The following CHD8 variants were observed in gnomAD, a reference collection of about 807,000 sequenced individuals.
CHD8 encodes the protein ATP-dependent chromatin remodeler CHD8.
CHD8 carries 31 observed loss-of-function variants against 279.2 expected under a neutral mutation model. That is an observed-to-expected ratio of 0.11 (90% CI 0.08 to 0.15). CHD8 has a LOEUF of 0.15. CHD8 is among the 10% of genes least tolerant of loss of function. The pLI is 1.00. For missense variants in CHD8, 2,146 were observed against 3,230.5 expected, an observed-to-expected ratio of 0.66 and a Z score of 8.14; for synonymous variants, 1,081 against 1,139.6, an observed-to-expected ratio of 0.95 and a Z score of 1.04.
chr14:21,424,006 G>A (rs7148741), intron 5 of CHD8, among the ~76,000 whole-genome samples: 106,835 of 152,004 alleles, frequency 0.7, 38,630 homozygotes, highest in East Asian at 0.88. Context: ...GAATTTTTTT[G>A]TTGTAATACC....
At chr14:21,415,140 A>C (rs1213153003) in intron 7 of CHD8, 147 bp from the exon 8 acceptor site, 1 of 618,806 alleles carries the variant, frequency 1.6e-6, no homozygotes, top group African/African-American at 1.9e-5. Context: ...CTGGTACTTC[A>C]ATAATAGAGG....
chr14:21,405,718 T>C lies in CHD8; in HGVS notation c.3051+3A>G. Reference sequence around the variant, plus strand: ...TTAGTACCTCATCAGATAGATTTCCTACCTGTTCCTCTGTCTTGAGATCCC... The same window carrying C: ...TTAGTACCTCATCAGATAGATTTCCCACCTGTTCCTCTGTCTTGAGATCCC... On this transcript the variant is annotated splice_donor_region_variant and intron_variant, in intron 15 of 37. Transcript: ENST00000646647. This position sits in a 1 kb window ranked among gnomAD's most constrained non-coding sequence, Gnocchi z 4.2. 2 of 1,613,590 alleles carry C rather than the reference T, an allele frequency of 1.2e-6. No individual in the cohort carries two copies. The highest frequency in any genetic ancestry group is 2.2e-5 in the South Asian group (2 of 91,012).
chr14:21,410,442 A>C (rs777041546), intron 10 of CHD8, among the ~76,000 whole-genome samples: 34 of 152,202 alleles, frequency 2.2e-4, no homozygotes, highest in Non-Finnish European at 4.1e-4. Flanking sequence ...TTGCAGATGC[A>C]CCTCAAGAGC....
At chr14:21,423,727 C>G (rs1303043078) in intron 5 of CHD8, among the ~76,000 whole-genome samples, 1 of 152,160 alleles carries the variant, frequency 6.6e-6, no homozygotes, top group Non-Finnish European at 1.5e-5. Flanking sequence ...GGGACACATT[C>G]ATCCACAGCA....
intron 28 of CHD8, chr14:21,395,585 T>G: frequency 1.7e-6 from 1 of 589,052 alleles, no homozygotes; most frequent in Non-Finnish European, 3.0e-6. Flanking sequence ...AGTCAGGAAT[T>G]TATTAGTCAA....
chr14:21,392,329 G>T, intron 34 of CHD8, 178 bp downstream of exon 34: 1 of 751,830 alleles, frequency 1.3e-6, no homozygotes, highest in South Asian at 1.6e-5. Context: ...AATCAATAGG[G>T]TTCAATAAGG....
chr14:21,392,956 C>CTAG, intron 33 of CHD8, 147 bp from the exon 34 acceptor site: 1 of 1,108,000 alleles, frequency 9.0e-7, no homozygotes. Flanking sequence ...ATTCCTAAGT[C>CTAG]AACTGGGAAG....
Position 21,392,691 on chromosome 14 carries a change from T to G in CHD8, c.6587A>C (p.His2196Pro), listed in dbSNP as rs773816387. ...VTGGILGPGN[H>P]LLDSPSLTPG... ...AGTCAATGAGGGACTGTCTAGCAAG[T>G]GGTTGCCTGGCCCCAAAATTCCTCC... Residue 2196 changes from histidine (H) to proline (P), a missense_variant, in exon 34 of 38, where the codon CAC becomes CCC. Around this residue, in one of 26 missense-constraint regions of CHD8, gnomAD observed 513 missense variants for 637.6 expected, o/e 0.80. Transcript: ENST00000646647. 6.2e-7 allele frequency: 1 copy of G among 1,614,018 alleles called. No homozygotes were observed. Among genetic ancestry groups the G allele is most frequent in the South Asian group, 1.1e-5 (1 of 91,084 alleles).
chr14:21,421,211 T>C (rs1889028423), intron 5 of CHD8, among the ~76,000 whole-genome samples: 1 of 152,154 alleles, frequency 6.6e-6, no homozygotes, highest in South Asian at 2.1e-4. Flanking sequence ...TTCTTATCCA[T>C]TTCTTGTATA....
Position 21,397,894 on chromosome 14 carries a change from A to G in CHD8, c.4980T>C (p.Ala1660=). The G allele has an allele frequency of 6.2e-7, 1 of 1,612,458 alleles. No individual in the cohort carries two copies. The highest frequency in any genetic ancestry group is 8.5e-7 in the Non-Finnish European group (1 of 1,179,148). Residue 1660 remains alanine, a synonymous_variant, in exon 27 of 38, where the codon GCT becomes GCC. Coordinates refer to ENST00000646647, the MANE Select transcript of CHD8 (RefSeq NM_001170629.2). ...ADPALCFLEK[A]GRPDDKAIAA... is the part of the protein sequence containing the mutation. ...CAATTGCTTTGTCATCTGGTCGGCC[A>G]GCCTTTTCTAGGAAACATAAGGCTG...
chr14:21,415,979 A>G (rs956588295), intron 5 of CHD8, 72 bp from the exon 6 acceptor site: 1 of 1,270,858 alleles, frequency 7.9e-7, no homozygotes, highest in African/African-American at 1.5e-5. Flanking sequence ...TTATTTGCTC[A>G]TGGTCATATA....
At chr14:21,434,290 G>A (rs369058007) in intron 1 of CHD8, among the ~76,000 whole-genome samples, 6 of 152,058 alleles carry the variant, frequency 3.9e-5, no homozygotes, top group African/African-American at 7.2e-5. Flanking sequence ...GAGGTGAGCC[G>A]TCGCCTCAGC....
intron 37 of CHD8, among the ~76,000 whole-genome samples, chr14:21,387,548 C>T (rs1327266137): frequency 2.0e-5 from 3 of 151,386 alleles, no homozygotes; most frequent in Non-Finnish European, 4.4e-5. Flanking sequence ...GCAGAAAAAT[C>T]GCTTGAACCC....
chr14:21,434,003 C>T (rs1246686401), intron 1 of CHD8, among the ~76,000 whole-genome samples: 2 of 151,128 alleles, frequency 1.3e-5, no homozygotes, highest in African/African-American at 4.9e-5. Context: ...AAAGTATCTA[C>T]AGCTAGGAGT....
Position 21,393,610 on chromosome 14 carries a change from T to A in CHD8, c.6185A>T (p.Lys2062Ile). Residue 2062 changes from lysine to isoleucine, a missense_variant, in exon 32 of 38, where the codon AAA (lysine) becomes ATA (isoleucine). Lys to Ile is a moderately radical substitution (Grantham distance 102). Transcript: ENST00000646647. ...PLVSRSVPPV[K>I]LEDEDDSDSE... is the part of the protein sequence containing the mutation. ...GTCCGAATCATCCTCATCCTCCAGTTTGACTGGTGGAACACTCCGGGAAAC... is the reference window on the plus strand; with the variant it reads ...GTCCGAATCATCCTCATCCTCCAGTATGACTGGTGGAACACTCCGGGAAAC... 6.2e-7 allele frequency: 1 copy of A among 1,613,926 alleles called. No individual in the cohort carries two copies. The highest frequency in any genetic ancestry group is 1.3e-5 in the African/African-American group (1 of 75,032).
At chr14:21,447,143 G>A (rs187703672) in intron 1 of CHD8, among the ~76,000 whole-genome samples, 1 of 152,318 alleles carries the variant, frequency 6.6e-6, no homozygotes, top group Non-Finnish European at 1.5e-5. Context: ...ACATTCAGAA[G>A]TATCATAAAA....
intron 1 of CHD8, among the ~76,000 whole-genome samples, chr14:21,446,991 C>T (rs1362673794): frequency 6.6e-6 from 1 of 152,190 alleles, no homozygotes; most frequent in Non-Finnish European, 1.5e-5. Flanking sequence ...TGGTAATGGG[C>T]ATTCAATGTA....
intron 26 of CHD8, chr14:21,399,307 T>G: frequency 2.7e-6 from 1 of 365,598 alleles, no homozygotes; most frequent in South Asian, 2.9e-5. Context: ...CTGCCCTGAT[T>G]CATGGGACCC....
chr14:21,391,149 A>G, intron 36 of CHD8, 86 bp from the exon 37 acceptor site: 1 of 897,074 alleles, frequency 1.1e-6, no homozygotes, highest in South Asian at 1.5e-5. Context: ...TTGTTTGATA[A>G]TAAACACTTA....
Sources: gnomAD v4.1 joint callset for allele counts (sites outside exome capture counted in the v4.1 genomes callset) on GRCh38, gnomAD v4.1.1 for gene constraint, gnomAD v4.1.1 regional missense constraint, Gnocchi (gnomAD v3.1) non-coding constraint, MANE v1.5 for transcripts, NCBI Gene and HGNC (gene_info 2026-07-23, HGNC 2026-07-21) for gene names.